The following BICC1 variants were observed in gnomAD, a reference collection of about 807,000 sequenced individuals.
BICC1 encodes the protein protein bicaudal C homolog 1.
BICC1 carries 43 observed loss-of-function variants against 111.0 expected under a neutral mutation model. The ratio of observed to expected loss-of-function variants is 0.39; its 90% CI spans 0.30 to 0.50. BICC1 has a LOEUF of 0.50. Ranked by LOEUF, BICC1 falls within the 20% of genes least tolerant of loss-of-function variation. BICC1 has a pLI of 0.88. For synonymous variants in BICC1, 467 were observed against 434.4 expected (o/e 1.07, Z -0.93); for missense variants, 1,091 against 1,203.2 (o/e 0.91, Z 1.38).
At chr10:58,533,854 C>T (rs964841470) in intron 1 of BICC1, among the ~76,000 whole-genome samples, 7 of 151,584 alleles carry the variant, frequency 4.6e-5, no homozygotes, top group Admixed American at 6.6e-5. Context: ...CAGCAAGAGC[C>T]GCAAAGGGGG....
At chr10:58,775,030 T>C (rs1842712163) in intron 3 of BICC1, among the ~76,000 whole-genome samples, 1 of 152,138 alleles carries the variant, frequency 6.6e-6, no homozygotes, top group Non-Finnish European at 1.5e-5. Flanking sequence ...GCCTTCTTGC[T>C]TTTAGAAAAA....
chr10:58,633,360 A>G (rs1837856597), intron 2 of BICC1, among the ~76,000 whole-genome samples: 1 of 152,260 alleles, frequency 6.6e-6, no homozygotes, highest in African/African-American at 2.4e-5. Context: ...AGAGGATGAG[A>G]ATTAAAAATG....
chr10:58,648,558 T>C lies in BICC1; in HGVS notation c.237+27657T>C, dbSNP rs1046778075. 6 of 985,280 alleles carry C rather than the reference T, an allele frequency of 6.1e-6. No individual in the cohort carries two copies. The African/African-American group carries it at 8.7e-5, about 14-fold the overall frequency. The allele number at this position is 985,280 out of a possible 1,614,324, so 61.0% of individuals were successfully genotyped here. A position where few individuals can be genotyped will look rare whatever the true frequency, so the allele number is the denominator to read the frequency against. ...TCTGTTGCTTTCAAAGGCTATGATA[T>C]GGAGGGAACAATGGTATGTTTAGTG... On this transcript the variant is annotated intron_variant, in intron 2 of 20. Coordinates refer to ENST00000373886, the MANE Select transcript of BICC1 (RefSeq NM_001080512.3).
chr10:58,615,130 G>A (rs1845558458), intron 1 of BICC1, among the ~76,000 whole-genome samples: 1 of 151,356 alleles, frequency 6.6e-6, no homozygotes, highest in Non-Finnish European at 1.5e-5. Flanking sequence ...ATCTTGCCTG[G>A]GTGTTCGCTT....
intron 8 of BICC1, among the ~76,000 whole-genome samples, chr10:58,791,553 T>C (rs1843177562): frequency 6.6e-6 from 1 of 152,094 alleles, no homozygotes; most frequent in Non-Finnish European, 1.5e-5. Context: ...CTGGCCAATA[T>C]GGTGAAACCC....
intron 3 of BICC1, among the ~76,000 whole-genome samples, chr10:58,775,097 G>A (rs139447884): frequency 1.3e-5 from 2 of 152,276 alleles, no homozygotes; most frequent in East Asian, 3.9e-4. Context: ...TAAGGGCTGG[G>A]TGCGGTGGCT....
intron 1 of BICC1, among the ~76,000 whole-genome samples, chr10:58,587,172 G>T (rs1052842931): frequency 6.6e-6 from 1 of 152,084 alleles, no homozygotes; most frequent in African/African-American, 2.4e-5. Flanking sequence ...TGGTCCTTCC[G>T]TCTTCTTCTG....
rs1349630309 is a variant in BICC1, at chr10:58,711,804, TTTTG to T, written c.307+9665_307+9668del. Among the ~76,000 whole-genome samples, 35 of 29,460 alleles carry T rather than the reference TTTTG, an allele frequency of 1.2e-3. 1 individual carries two copies. The highest frequency in any genetic ancestry group is 2.3e-3 in the African/African-American group (35 of 15,018). 19.3% of individuals were successfully genotyped at this position (29,460 alleles called of 152,430 possible). On this transcript the variant is annotated intron_variant, in intron 3 of 20. Transcript: ENST00000373886. ...AGCAAATATATCTGGTAGTTTTTTT[TTTTG>T]TTTTTTTTTTTTAAAGATATTTTCC...
At chr10:58,570,829 A>G (rs1189551527) in intron 1 of BICC1, among the ~76,000 whole-genome samples, 1 of 152,186 alleles carries the variant, frequency 6.6e-6, no homozygotes, top group African/African-American at 2.4e-5. Context: ...CTGCTAATTT[A>G]GCATTGACAC....
intron 3 of BICC1, among the ~76,000 whole-genome samples, chr10:58,709,528 C>G (rs530737587): frequency 1.3e-5 from 2 of 152,340 alleles, no homozygotes; most frequent in Admixed American, 1.3e-4. Context: ...CTATCCCTAA[C>G]ACTGTAACCA....
chr10:58,551,076 A>G (rs938734123), intron 1 of BICC1, among the ~76,000 whole-genome samples: 1 of 152,146 alleles, frequency 6.6e-6, no homozygotes, highest in African/African-American at 2.4e-5. Flanking sequence ...GACATATGAT[A>G]TACTTGTTTC....
intron 17 of BICC1, among the ~76,000 whole-genome samples, chr10:58,807,482 A>G (rs2132906282): frequency 6.6e-6 from 1 of 152,318 alleles, no homozygotes; most frequent in Non-Finnish European, 1.5e-5. Flanking sequence ...ATTTCATAAA[A>G]ATGTCTAAAG....
chr10:58,621,971 ATC>A (rs1845832761), intron 2 of BICC1, among the ~76,000 whole-genome samples: 6 of 131,978 alleles, frequency 4.5e-5, no homozygotes, highest in African/African-American at 5.4e-5. Context: ...GAATAGAATA[ATC>A]CAGCCTGGGC....
chr10:58,642,849 T>C (rs1838164419), intron 2 of BICC1, among the ~76,000 whole-genome samples: 1 of 152,010 alleles, frequency 6.6e-6, no homozygotes, highest in Non-Finnish European at 1.5e-5. Flanking sequence ...GGACTACATG[T>C]GTGTGCAACC....
chr10:58,826,790 C>T (rs982656235), intron 20 of BICC1, among the ~76,000 whole-genome samples: 4 of 152,004 alleles, frequency 2.6e-5, no homozygotes, highest in East Asian at 1.9e-4. Context: ...AACAAACACC[C>T]GAATTTCAGA....
intron 1 of BICC1, among the ~76,000 whole-genome samples, chr10:58,529,929 C>T (rs562208068): frequency 2.6e-5 from 4 of 151,448 alleles, no homozygotes; most frequent in African/African-American, 9.7e-5. Context: ...AAAAGTTTTG[C>T]ATAAATGATT....
At chr10:58,589,279 C>T (rs1398909159) in intron 1 of BICC1, among the ~76,000 whole-genome samples, 1 of 152,120 alleles carries the variant, frequency 6.6e-6, no homozygotes, top group Non-Finnish European at 1.5e-5. Flanking sequence ...GACTTTCACT[C>T]AGGTACTTGT....
chr10:58,629,404 A>C (rs1837728564), intron 2 of BICC1, among the ~76,000 whole-genome samples: 1 of 152,120 alleles, frequency 6.6e-6, no homozygotes, highest in African/African-American at 2.4e-5. Flanking sequence ...CTATTAATAC[A>C]AGATAAATGT....
intron 2 of BICC1, among the ~76,000 whole-genome samples, chr10:58,692,176 AAGAG>A (rs142123414): frequency 1.8e-4 from 26 of 146,554 alleles, no homozygotes; most frequent in African/African-American, 4.3e-4. Flanking sequence ...GAGAGAGAGA[AAGAG>A]AGAGAGAGAG....
Sources: allele counts gnomAD v4.1 joint callset (sites outside exome capture counted in the v4.1 genomes callset), GRCh38; gene constraint gnomAD v4.1.1; transcripts MANE v1.5; gene names NCBI Gene and HGNC (gene_info 2026-07-23, HGNC 2026-07-21).